Variants in GAD2 observed in about 807,000 individuals in gnomAD.
GAD2 encodes the protein glutamate decarboxylase 2.
GAD2 carries 22 observed loss-of-function variants against 80.1 expected under a neutral mutation model. The observed-to-expected ratio is 0.27, with a 90% CI of 0.20 to 0.39. The LOEUF (loss-of-function observed/expected upper bound fraction) is 0.39, where lower values mean the gene tolerates loss of function less well. Among genes scored for constraint, GAD2 ranks in the 10% least tolerant of loss-of-function variants. The pLI is 1.00. For synonymous variants in GAD2, 274 were observed against 256.9 expected, an observed-to-expected ratio of 1.07 and a Z score of -0.64; for missense variants, 624 against 738.4, an observed-to-expected ratio of 0.85 and a Z score of 1.80.
intron 11 of GAD2, among the ~76,000 whole-genome samples, chr10:26,279,227 C>T (rs962245767): frequency 1.3e-5 from 2 of 151,742 alleles, no homozygotes; most frequent in Non-Finnish European, 2.9e-5. Context: ...GGAGAGAAGC[C>T]GCAGAAGTTA....
chr10:26,216,592 C>A (rs959688953), upstream of GAD2: 9 of 411,348 alleles, frequency 2.2e-5, no homozygotes, highest in African/African-American at 1.9e-4. This position sits in a 1 kb window ranked among gnomAD's most constrained non-coding sequence, Gnocchi z 4.7. Flanking sequence ...AAAGGGTTGC[C>A]ACGTCCCTAA....
chr10:26,281,130 T>C (rs371815780), intron 12 of GAD2, 43 bp downstream of exon 12: 2 of 1,387,662 alleles, frequency 1.4e-6, no homozygotes, highest in African/African-American at 2.8e-5. Context: ...TGCGTGGGCT[T>C]TGACTGTCTT....
Position 26,270,680 on chromosome 10 carries a change from C to A in GAD2, c.1016C>A (p.Thr339Asn). The part of the protein sequence containing the change: ...PFLVSATAGT[T>N]VYGAFDPLLA... Reference sequence around the variant, plus strand: ...CTCGTGAGTGCCACAGCTGGAACCACCGTGTACGGAGCATTTGACCCCCTC... The same window carrying A: ...CTCGTGAGTGCCACAGCTGGAACCAACGTGTACGGAGCATTTGACCCCCTC... The change falls in exon 10 of 16, where the codon ACC becomes AAC. Residue 339 changes from threonine (T) to asparagine (N), a missense_variant. Transcript: ENST00000376261. 1 of 1,614,138 alleles carries A rather than the reference C, an allele frequency of 6.2e-7. No homozygotes were observed. The highest frequency in any genetic ancestry group is 1.3e-5 in the African/African-American group (1 of 75,042).
At chr10:26,239,469 T>C (rs1844715021) in intron 7 of GAD2, among the ~76,000 whole-genome samples, 1 of 152,194 alleles carries the variant, frequency 6.6e-6, no homozygotes, top group African/African-American at 2.4e-5. Flanking sequence ...AACATTGGGA[T>C]TTGTGGCCAG....
chr10:26,223,826 G>A (rs1200075486), intron 4 of GAD2, 61 bp from the exon 5 acceptor site: 1 of 1,094,072 alleles, frequency 9.1e-7, no homozygotes, highest in Non-Finnish European at 1.4e-6. Context: ...GAAATCATGT[G>A]TTTGAGAGGC....
chr10:26,261,660 A>G (rs1415358711), intron 8 of GAD2, among the ~76,000 whole-genome samples: 2 of 152,152 alleles, frequency 1.3e-5, no homozygotes, highest in East Asian at 3.8e-4. Context: ...AGGCTTTTGC[A>G]TTTAGATACG....
chr10:26,255,535 G>A (rs997749262), intron 8 of GAD2, among the ~76,000 whole-genome samples: 1 of 151,598 alleles, frequency 6.6e-6, no homozygotes, highest in Admixed American at 6.6e-5. Flanking sequence ...TTAAAGGAGA[G>A]GGGCTTACTG....
Position 26,270,641 on chromosome 10 carries a change from G to A in GAD2, c.977G>A (p.Gly326Glu). Residue 326 changes from glycine (G) to glutamate (E), a missense_variant and splice_region_variant, in exon 10 of 16, where the codon GGG becomes GAG. Physicochemically the swap from Gly to Glu is moderately conservative, Grantham distance 98. Coordinates refer to ENST00000376261, the MANE Select transcript of GAD2 (RefSeq NM_001134366.2). ...ERRILEAKQK[G>E]FVPFLVSATA... ...TTTGGGGCTTTCTCGTTCGCACAGG[G>A]GTTTGTTCCTTTCCTCGTGAGTGCC... The A allele has an allele frequency of 6.2e-7, 1 of 1,609,530 alleles. No homozygotes were observed. The highest frequency in any genetic ancestry group is 8.5e-7 in the Non-Finnish European group (1 of 1,175,760).
intron 11 of GAD2, among the ~76,000 whole-genome samples, chr10:26,276,263 A>G (rs1845200507): frequency 6.6e-6 from 1 of 152,198 alleles, no homozygotes; most frequent in Non-Finnish European, 1.5e-5. Context: ...CTCAGAAAAC[A>G]GCTCTCTTCC....
intron 12 of GAD2, among the ~76,000 whole-genome samples, chr10:26,283,033 G>C (rs1845289723): frequency 6.6e-6 from 1 of 152,196 alleles, no homozygotes; most frequent in South Asian, 2.1e-4. Flanking sequence ...AATTCAGCCA[G>C]ATGTTTTGAC....
intron 15 of GAD2, among the ~76,000 whole-genome samples, chr10:26,295,901 C>T (rs1834268825): frequency 6.6e-6 from 1 of 152,188 alleles, no homozygotes; most frequent in Non-Finnish European, 1.5e-5. Context: ...TCTGTACCAT[C>T]TTGCCTGATT....
chr10:26,299,851 A>C (rs1834310678), intron 15 of GAD2, among the ~76,000 whole-genome samples: 1 of 152,214 alleles, frequency 6.6e-6, no homozygotes, highest in South Asian at 2.1e-4. Context: ...ACTGTGGTGG[A>C]ATCTTGAAGT....
rs1048588133 is a variant in GAD2, at chr10:26,243,610, C to T, written c.841-2311C>T. Among the ~76,000 whole-genome samples, 3 of 152,346 alleles carry T rather than the reference C, an allele frequency of 2.0e-5. No homozygotes were observed. The South Asian group carries it at 6.2e-4, about 32-fold the overall frequency. ...ACACAGTCCTACCCGGAATCAATAA[C>T]CAAAGGCACAAAGACTTTGGCGGTG... is the stretch of plus-strand genomic sequence containing the variant. On this transcript the variant is annotated intron_variant, in intron 7 of 15. Coordinates refer to ENST00000376261, the MANE Select transcript of GAD2 (RefSeq NM_001134366.2).
intron 13 of GAD2, among the ~76,000 whole-genome samples, chr10:26,287,845 G>A (rs1402707309): frequency 4.6e-5 from 7 of 152,154 alleles, no homozygotes; most frequent in Admixed American, 4.6e-4. Flanking sequence ...GCTTGGTGGA[G>A]TGGATATACA....
At chr10:26,253,942 G>T (rs1454208700) in intron 8 of GAD2, among the ~76,000 whole-genome samples, 1 of 152,166 alleles carries the variant, frequency 6.6e-6, no homozygotes, top group Non-Finnish European at 1.5e-5. Context: ...GGCTGTGAGG[G>T]GCGGGGGTGG....
At chr10:26,293,559 C>T (rs1054867416) in intron 15 of GAD2, among the ~76,000 whole-genome samples, 2 of 152,158 alleles carry the variant, frequency 1.3e-5, no homozygotes, top group Non-Finnish European at 2.9e-5. Flanking sequence ...CAGGCGATAA[C>T]CTTTGCTGGC....
chr10:26,283,980 A>T (rs1845301196), intron 12 of GAD2, among the ~76,000 whole-genome samples: 2 of 152,236 alleles, frequency 1.3e-5, no homozygotes, highest in South Asian at 4.1e-4. Flanking sequence ...ATACTTCTAA[A>T]AATTAAGCTG....
Position 26,281,040 on chromosome 10 carries a change from A to C in GAD2, c.1189A>C (p.Met397Leu). The C allele has an allele frequency of 6.2e-7, 1 of 1,613,818 alleles. No homozygotes were observed. Among genetic ancestry groups the C allele is most frequent in the South Asian group, 1.1e-5 (1 of 91,078 alleles). ...ANSVTWNPHK[M>L]MGVPLQCSAL... ...CTCTGTGACGTGGAATCCACACAAG[A>C]TGATGGGAGTCCCTTTGCAGTGCTC... The change falls in exon 12 of 16, where the codon ATG (methionine) becomes CTG (leucine). Residue 397 changes from methionine to leucine, a missense_variant. By Grantham distance (15) the Met-to-Leu change is conservative (BLOSUM62 2). Coordinates refer to ENST00000376261, the MANE Select transcript of GAD2 (RefSeq NM_001134366.2).
rs1479968579 is a variant in GAD2, at chr10:26,304,135, C to T, written c.*3174C>T. 2.0e-5 allele frequency: 3 copies of T among 152,436 alleles called. No homozygotes were observed. The highest frequency in any genetic ancestry group is 4.4e-5 in the Non-Finnish European group (3 of 68,038). 9.4% of individuals were successfully genotyped at this position (152,436 alleles called of 1,614,324 possible). A position where few individuals can be genotyped will look rare whatever the true frequency, so the allele number is the denominator to read the frequency against. ...ACACCACTTTGTCTCTGAGAACAGACGTTACCAATTATGGAGTGTCACCAG... is the reference window on the plus strand; with the variant it reads ...ACACCACTTTGTCTCTGAGAACAGATGTTACCAATTATGGAGTGTCACCAG... On this transcript the variant is annotated 3_prime_UTR_variant, in exon 16 of 16. Transcript: ENST00000376261.
Sources: allele counts gnomAD v4.1 joint callset (sites outside exome capture counted in the v4.1 genomes callset), GRCh38; gene constraint gnomAD v4.1.1; non-coding constraint Gnocchi (gnomAD v3.1); transcripts MANE v1.5; gene names NCBI Gene and HGNC (gene_info 2026-07-23, HGNC 2026-07-21).